Variants in NUP188 observed in about 807,000 individuals in gnomAD.
The protein encoded by NUP188 is nucleoporin 188.
Under a neutral mutation model 223.0 loss-of-function variants are expected in NUP188, and 97 were observed. The observed-to-expected ratio is 0.43, with a 90% CI of 0.37 to 0.51. NUP188 has a LOEUF of 0.51. NUP188 is among the 20% of genes least tolerant of loss of function. The pLI is 0.00. For missense variants in NUP188, 1,947 were observed against 2,175.6 expected (o/e 0.89, Z 2.09); for synonymous variants, 869 against 828.0 (o/e 1.05, Z -0.85).
rs748997358 is a variant in NUP188 at position 128,970,968 on chromosome 9, A to G, written c.1113+10A>G. On this transcript the variant is annotated intron_variant, in intron 11 of 43. Coordinates refer to ENST00000372577, the MANE Select transcript of NUP188 (RefSeq NM_015354.3). ...CAGTGGGGGAAATGATGTGAGTTTA[A>G]GGCTCTGGGTGGTGAGCATGGGAGT... 2.5e-6 allele frequency: 4 copies of G among 1,610,646 alleles called. No individual in the cohort carries two copies. The highest frequency in any genetic ancestry group is 3.4e-6 in the Non-Finnish European group (4 of 1,176,804).
At chr9:128,984,863 T>C (rs774032768) in intron 19 of NUP188, 37 bp from the exon 20 acceptor site, 1 of 1,410,418 alleles carries the variant, frequency 7.1e-7, no homozygotes, top group East Asian at 2.3e-5. Flanking sequence ...CCTTGAAATT[T>C]CCCTATCATT....
chr9:129,001,702 G>A lies in NUP188; in HGVS notation c.4017G>A (p.Leu1339=), dbSNP rs148787516. 724 of 1,613,760 alleles carry A rather than the reference G, an allele frequency of 4.5e-4. 5 individuals are homozygous for A. In the African/African-American group the frequency reaches 8.8e-3, roughly 20 times the overall value. Residue 1339 remains leucine (L), a synonymous_variant, in exon 35 of 44, where the codon CTG becomes CTA. Transcript: ENST00000372577. ...NLHFTEATLH[L]LLTLARTQQG... ...ATTTCACTGAGGCCACATTGCATCTGCTCCTCACCCTGGCTCGCACTCAGC... is the reference window on the plus strand; with the variant it reads ...ATTTCACTGAGGCCACATTGCATCTACTCCTCACCCTGGCTCGCACTCAGC...
chr9:128,954,761 A>C (rs941240301), intron 3 of NUP188, among the ~76,000 whole-genome samples: 2 of 151,730 alleles, frequency 1.3e-5, no homozygotes, highest in Non-Finnish European at 2.9e-5. Flanking sequence ...GTTATTTTGT[A>C]GTATGCCCCC....
intron 34 of NUP188, among the ~76,000 whole-genome samples, chr9:129,000,092 G>A (rs1228887197): frequency 2.6e-5 from 4 of 152,164 alleles, no homozygotes; most frequent in African/African-American, 7.2e-5. Context: ...TGCAGGATCC[G>A]AAGTGAAATA....
chr9:128,993,016 C>G (rs1166322240), intron 25 of NUP188, 181 bp from the exon 26 acceptor site: 1 of 598,290 alleles, frequency 1.7e-6, no homozygotes, highest in Non-Finnish European at 3.0e-6. Context: ...TACTGTCTTT[C>G]CTGTGAATTT....
chr9:128,984,760 CTTGA>C (rs1208434383), intron 19 of NUP188, 136 bp from the exon 20 acceptor site: 4 of 567,950 alleles, frequency 7.0e-6, no homozygotes, highest in Non-Finnish European at 1.3e-5. Flanking sequence ...ACAGAACTGT[CTTGA>C]TTGGATTATT....
intron 3 of NUP188, among the ~76,000 whole-genome samples, chr9:128,953,237 A>C (rs979700787): frequency 3.9e-5 from 6 of 152,196 alleles, no homozygotes; most frequent in Non-Finnish European, 8.8e-5. Flanking sequence ...TACTCTAAGC[A>C]CCTGACTTAT....
At position 128,993,506 on chromosome 9, in the gene NUP188, T is replaced by TA; in HGVS notation, c.2848-18dup. On this transcript the variant is annotated intron_variant, in intron 26 of 43. Coordinates refer to ENST00000372577, the MANE Select transcript of NUP188 (RefSeq NM_015354.3). Reference sequence around the variant, plus strand: ...GGCAGTGGCTGTGGAACTGAACTCTTACCTGTCCCTTCTTGCAGGAATTCA... The same window carrying TA: ...GGCAGTGGCTGTGGAACTGAACTCTTAACCTGTCCCTTCTTGCAGGAATTCA... 2 of 1,613,804 alleles carry TA rather than the reference T, an allele frequency of 1.2e-6. No individual in the cohort carries two copies. Among genetic ancestry groups the TA allele is most frequent in the Non-Finnish European group, 1.7e-6 (2 of 1,179,686 alleles).
At chr9:128,997,895 A>G (rs1380145592) in intron 30 of NUP188, among the ~76,000 whole-genome samples, 1 of 150,984 alleles carries the variant, frequency 6.6e-6, no homozygotes, top group African/African-American at 2.4e-5. Flanking sequence ...TAATTTTTGT[A>G]TTTTTAGTAG....
chr9:128,968,541 C>T lies in NUP188; in HGVS notation c.621C>T (p.Cys207=). ...AAGTGTCTCGCTGGTTTGTTCAGTG[C>T]CTTCGGGAACAGTCCATGCTGCTAG... ...ERQVSRWFVQ[C]LREQSMLLEI... Residue 207 remains cysteine, a synonymous_variant, in exon 9 of 44, where the codon TGC becomes TGT. Transcript: ENST00000372577. The T allele has an allele frequency of 1.2e-6, 2 of 1,614,160 alleles. No homozygotes were observed. Among genetic ancestry groups the T allele is most frequent in the Non-Finnish European group, 1.7e-6 (2 of 1,180,024 alleles).
At position 129,001,529 on chromosome 9, in the gene NUP188, G is replaced by T; in HGVS notation, c.3844G>T (p.Val1282Leu). The T allele has an allele frequency of 6.2e-7, 1 of 1,612,700 alleles. No homozygotes were observed. The highest frequency in any genetic ancestry group is 1.1e-5 in the South Asian group (1 of 91,072). The change falls in exon 35 of 44, where the codon GTG becomes TTG. Residue 1282 changes from valine to leucine, a missense_variant and splice_region_variant. Around this residue, in one of 3 missense-constraint regions of NUP188, gnomAD observed 905 missense variants for 990.6 expected, o/e 0.91. Transcript: ENST00000372577. The stretch of plus-strand genomic sequence containing the variant: ...TTTACTCATCTTTGCCTCTGGGCAG[G>T]TGTGTGTCCTGGGCCTGCACCTGGC... The part of the protein sequence containing the change: ...RSRHRDQRDG[V>L]CVLGLHLAKE...
chr9:128,981,224 C>T (rs753766537), intron 14 of NUP188, 40 bp from the exon 15 acceptor site: 8 of 1,604,770 alleles, frequency 5.0e-6, no homozygotes, highest in Non-Finnish European at 6.8e-6. Flanking sequence ...CCTTGCTTAT[C>T]CTGGAGGGAA....
intron 25 of NUP188, 58 bp downstream of exon 25, chr9:128,990,284 AT>A: frequency 7.3e-7 from 1 of 1,362,772 alleles, no homozygotes; most frequent in Non-Finnish European, 1.1e-6. Flanking sequence ...TTTCCCCCTG[AT>A]TACAAAAGAC....
intron 32 of NUP188, 124 bp downstream of exon 32, chr9:128,998,747 G>A (rs897245171): frequency 5.9e-5 from 44 of 748,210 alleles, no homozygotes; most frequent in Non-Finnish European, 9.2e-5. Flanking sequence ...AGGAATGGGA[G>A]TGACATAGCA....
intron 14 of NUP188, among the ~76,000 whole-genome samples, chr9:128,980,973 C>CT (rs1180664959): frequency 1.3e-5 from 2 of 151,950 alleles, no homozygotes; most frequent in Non-Finnish European, 2.9e-5. Flanking sequence ...TTGGAAGTTA[C>CT]TAGATATAAG....
chr9:128,993,796 A>C, intron 27 of NUP188, 102 bp downstream of exon 27: 1 of 1,039,048 alleles, frequency 9.6e-7, no homozygotes, highest in Non-Finnish European at 1.4e-6. Flanking sequence ...ACTGGGAATA[A>C]GAGTGCTTAG....
chr9:128,963,627 G>A (rs1841985000), intron 8 of NUP188, among the ~76,000 whole-genome samples: 1 of 152,024 alleles, frequency 6.6e-6, no homozygotes, highest in African/African-American at 2.4e-5. Flanking sequence ...ACTTGGTATG[G>A]CTGTTAATTT....
At chr9:128,991,973 T>C (rs1269842874) in intron 25 of NUP188, among the ~76,000 whole-genome samples, 3 of 146,638 alleles carry the variant, frequency 2.0e-5, no homozygotes, top group Admixed American at 1.4e-4. Context: ...AGTGGCGCGA[T>C]CTCGGCTCAC....
chr9:128,997,506 A>T (rs531709003), intron 30 of NUP188, among the ~76,000 whole-genome samples: 1 of 152,266 alleles, frequency 6.6e-6, no homozygotes, highest in South Asian at 2.1e-4. Flanking sequence ...TTTATTTTTT[A>T]GGGAACAGGA....
Sources: gnomAD v4.1 joint callset for allele counts (sites outside exome capture counted in the v4.1 genomes callset) on GRCh38, gnomAD v4.1.1 for gene constraint, gnomAD v4.1.1 regional missense constraint, MANE v1.5 for transcripts, NCBI Gene and HGNC (gene_info 2026-07-23, HGNC 2026-07-21) for gene names.